KDM5C: variants seen among roughly 807,000 people sequenced by gnomAD.
KDM5C encodes lysine demethylase 5C, also known as lysine-specific demethylase 5C.
Under a neutral mutation model 110.6 loss-of-function variants are expected in KDM5C, and 16 were observed. The observed-to-expected ratio is 0.14, with a 90% CI of 0.10 to 0.22. The LOEUF is 0.22. Ranked by LOEUF, KDM5C falls within the 10% of genes least tolerant of loss-of-function variation. The probability of loss-of-function intolerance (pLI) is 1.00; values close to 1 mark genes in which losing one functional copy is unlikely to be tolerated. For missense variants in KDM5C, 681 were observed against 1,300.9 expected, an observed-to-expected ratio of 0.52 and a Z score of 7.33; for synonymous variants, 511 against 520.4, an observed-to-expected ratio of 0.98 and a Z score of 0.24.
At chrX:53,197,983 C>G (rs2073015338) in intron 17 of KDM5C, 107 bp from the exon 18 acceptor site, 12 of 628,155 alleles carry the variant, frequency 1.9e-5, no homozygotes, top group Non-Finnish European at 2.8e-5. Flanking sequence ...ACCTTGATCT[C>G]GCATATTTCA....
chrX:53,181,710 AAAAG>A (rs1569249501), intron 25 of KDM5C, among the ~76,000 whole-genome samples: 1 of 110,527 alleles, frequency 9.0e-6, no homozygotes, highest in Non-Finnish European at 1.9e-5. Context: ...GAAAAAGAAA[AAAAG>A]AAACCTCCAT....
intron 12 of KDM5C, among the ~76,000 whole-genome samples, chrX:53,207,903 C>A (rs1230306392): frequency 2.1e-5 from 2 of 97,075 alleles, no homozygotes; most frequent in African/African-American, 7.9e-5. Flanking sequence ...GAGCTGAGAT[C>A]GTGAGCCGAG....
At chrX:53,182,085 G>GTT (rs781971592) in intron 25 of KDM5C, among the ~76,000 whole-genome samples, 3 of 105,026 alleles carry the variant, frequency 2.9e-5, no homozygotes, top group African/African-American at 1.1e-4. Flanking sequence ...ACCCTTTTTT[G>GTT]TTTTTTTTTT....
intron 12 of KDM5C, chrX:53,202,813 G>A: frequency 9.0e-6 from 1 of 110,530 alleles, no homozygotes; most frequent in Non-Finnish European, 1.9e-5. Flanking sequence ...ATTCTAAGAT[G>A]AAAATCCTTT....
In KDM5C at chrX:53,195,955, A is replaced by G; in HGVS notation, c.3081T>C (p.Ala1027=). 1 of 1,209,983 alleles carries G rather than the reference A, an allele frequency of 8.3e-7. No individual in the cohort carries two copies. The highest frequency in any genetic ancestry group is 1.1e-6 in the Non-Finnish European group (1 of 894,325). The change falls in exon 20 of 26, where the codon GCT becomes GCC. Residue 1027 remains alanine (A), a synonymous_variant. Transcript: ENST00000375401. ...CATCAGCAATCCAGGCCCGGGCCTTAGCAAGAGCCTCCTTGAGAGCCTGGA... is the reference window on the plus strand; with the variant it reads ...CATCAGCAATCCAGGCCCGGGCCTTGGCAAGAGCCTCCTTGAGAGCCTGGA... ...PNIQALKEAL[A]KARAWIADVD...
intron 2 of KDM5C, among the ~76,000 whole-genome samples, chrX:53,218,942 G>A (rs1276647049): frequency 1.8e-5 from 2 of 111,738 alleles, no homozygotes; most frequent in African/African-American, 3.3e-5. Context: ...CAATAGAGAG[G>A]GTCACAACTG....
At chrX:53,185,763 G>A (rs1194829504) in intron 25 of KDM5C, among the ~76,000 whole-genome samples, 1 of 111,737 alleles carries the variant, frequency 8.9e-6, no homozygotes, top group African/African-American at 3.3e-5. Flanking sequence ...AAAATAGGTA[G>A]CCTGATAAAG....
downstream of KDM5C, among the ~76,000 whole-genome samples, chrX:53,191,051 C>T (rs1008382784): frequency 8.9e-6 from 1 of 111,819 alleles, no homozygotes; most frequent in Non-Finnish European, 1.9e-5. Flanking sequence ...ACACAGAACA[C>T]TCAAGACCAC....
chrX:53,196,431 C>G (rs1347894005), intron 19 of KDM5C, among the ~76,000 whole-genome samples: 1 of 112,848 alleles, frequency 8.9e-6, no homozygotes, highest in African/African-American at 3.2e-5. Flanking sequence ...GGTATGCGCA[C>G]ATTAGCCTGT....
intron 17 of KDM5C, 40 bp downstream of exon 17, chrX:53,198,450 C>T: frequency 2.5e-6 from 3 of 1,182,522 alleles, no homozygotes; most frequent in Non-Finnish European, 3.4e-6. Context: ...GCTGGATCCT[C>T]AGCACCTTAT....
intron 12 of KDM5C, among the ~76,000 whole-genome samples, chrX:53,207,896 C>G (rs1305591748): frequency 2.0e-5 from 2 of 100,405 alleles, no homozygotes; most frequent in African/African-American, 7.5e-5. Flanking sequence ...TTGCAGTGAG[C>G]TGAGATCGTG....
intron 25 of KDM5C, among the ~76,000 whole-genome samples, chrX:53,181,081 T>C (rs1221743561): frequency 9.1e-6 from 1 of 109,952 alleles, no homozygotes; most frequent in East Asian, 2.8e-4. Flanking sequence ...GCCTTCCAAA[T>C]TGCTGGGATT....
chrX:53,196,364 C>T (rs1453090067), intron 19 of KDM5C, among the ~76,000 whole-genome samples: 16 of 112,545 alleles, frequency 1.4e-4, no homozygotes, highest in Non-Finnish European at 2.6e-4. Context: ...TTGTCAACTG[C>T]CCTGTGTGGG....
At chrX:53,211,944 C>G in intron 8 of KDM5C, 38 bp from the exon 9 acceptor site, 1 of 1,205,223 alleles carries the variant, frequency 8.3e-7, no homozygotes, top group East Asian at 3.0e-5. Flanking sequence ...AAAACAGAGG[C>G]AAAGAGGTGA....
chrX:53,221,030 C>T, intron 1 of KDM5C, 114 bp from the exon 2 acceptor site: 1 of 625,330 alleles, frequency 1.6e-6, no homozygotes, highest in Non-Finnish European at 2.7e-6. Context: ...TCTAGCCACT[C>T]CAGACCCTTT....
At chrX:53,204,281 C>T (rs926387892) in intron 12 of KDM5C, among the ~76,000 whole-genome samples, 44 of 98,517 alleles carry the variant, frequency 4.5e-4, no homozygotes, top group African/African-American at 1.6e-3. Flanking sequence ...GGAAAAAAGG[C>T]CTGGCAGCCA....
Position 53,192,871 on chromosome X carries a change from C to CAAA in KDM5C, c.*95_*96insTTT. ...GTAGCAGGGATGGCCACCCCCCTAC[C>CAAA]CGCCCACCCCCCAAGAAGCAGGCTT... is the stretch of plus-strand genomic sequence containing the variant. On this transcript the variant is annotated 3_prime_UTR_variant, in exon 26 of 26. Coordinates refer to ENST00000375401, the MANE Select transcript of KDM5C (RefSeq NM_004187.5). 1.5e-6 allele frequency: 1 copy of CAAA among 666,324 alleles called. No individual in the cohort carries two copies. Among genetic ancestry groups the CAAA allele is most frequent in the Non-Finnish European group, 2.1e-6 (1 of 486,576 alleles). 54.9% of individuals were successfully genotyped at this position (666,324 alleles called of 1,213,427 possible). A position where few individuals can be genotyped will look rare whatever the true frequency, so the allele number is the denominator to read the frequency against.
chrX:53,188,574 C>T (rs1420356046), downstream of KDM5C, among the ~76,000 whole-genome samples: 3 of 110,527 alleles, frequency 2.7e-5, no homozygotes, highest in Non-Finnish European at 5.7e-5. Context: ...GGGGTTTCTC[C>T]ATGTTGGTCA....
Position 53,194,260 on chromosome X carries a change from C to T in KDM5C, c.3917G>A (p.Gly1306Glu). 3 of 1,212,186 alleles carry T rather than the reference C, an allele frequency of 2.5e-6. No individual in the cohort carries two copies. Among genetic ancestry groups the T allele is most frequent in the South Asian group, 3.5e-5 (2 of 57,007 alleles). The change falls in exon 23 of 26, where the codon GGA (glycine) becomes GAA (glutamate). Residue 1306 changes from glycine to glutamate, a missense_variant. By Grantham distance (98) the Gly-to-Glu change is moderately conservative (BLOSUM62 -2). This residue lies in a region of KDM5C where 88 missense variants were observed against 85.6 expected (regional missense o/e 1.03). Coordinates refer to ENST00000375401, the MANE Select transcript of KDM5C (RefSeq NM_004187.5). ...LASEDVTALL[G>E]RLAELRQRLQ... is the part of the protein sequence containing the mutation. ...CCGTTGGCGGAGCTCAGCCAGCCGT[C>T]CCAAAAGAGCAGTCACATCTTCAGA...
Sources: gnomAD v4.1 joint callset for allele counts (sites outside exome capture counted in the v4.1 genomes callset) on GRCh38, gnomAD v4.1.1 for gene constraint, gnomAD v4.1.1 regional missense constraint, MANE v1.5 for transcripts, NCBI Gene and HGNC (gene_info 2026-07-23, HGNC 2026-07-21) for gene names.